The following RGS7 variants were observed in gnomAD, a reference collection of about 807,000 sequenced individuals.
RGS7 encodes regulator of G protein signaling 7.
RGS7 carries 27 observed loss-of-function variants against 81.1 expected under a neutral mutation model. The ratio of observed to expected loss-of-function variants is 0.33; its 90% CI spans 0.25 to 0.46. The LOEUF (loss-of-function observed/expected upper bound fraction) is 0.46, where lower values mean the gene tolerates loss of function less well. Among genes scored for constraint, RGS7 ranks in the 20% least tolerant of loss-of-function variants. RGS7 has a pLI of 1.00. For missense variants in RGS7, 396 were observed against 607.4 expected (o/e 0.65, Z 3.66); for synonymous variants, 208 against 207.7 (o/e 1.00, Z -0.01).
chr1:241,223,641 C>G (rs943761342), intron 2 of RGS7, among the ~76,000 whole-genome samples: 1 of 150,784 alleles, frequency 6.6e-6, no homozygotes, highest in Non-Finnish European at 1.5e-5. Flanking sequence ...AAGTTTGTCA[C>G]GTGAAAGAGG....
intron 2 of RGS7, among the ~76,000 whole-genome samples, chr1:241,120,301 C>T (rs902742562): frequency 2.6e-5 from 4 of 152,130 alleles, no homozygotes; most frequent in Non-Finnish European, 4.4e-5. Flanking sequence ...TCTCTACATA[C>T]CACTATCATC....
At chr1:240,977,081 TATCC>T (rs765234984) in intron 4 of RGS7, among the ~76,000 whole-genome samples, 86 of 141,464 alleles carry the variant, frequency 6.1e-4, no homozygotes, top group Non-Finnish European at 1.2e-3. Context: ...ATCATCTATC[TATCC>T]ATCTGTACAC....
intron 2 of RGS7, among the ~76,000 whole-genome samples, chr1:241,169,494 C>G (rs376935032): frequency 6.6e-6 from 1 of 151,980 alleles, no homozygotes; most frequent in African/African-American, 2.4e-5. Flanking sequence ...AGGCACCCAC[C>G]ACCACACCCG....
chr1:241,236,166 C>G (rs914997576), intron 2 of RGS7, among the ~76,000 whole-genome samples: 9 of 142,706 alleles, frequency 6.3e-5, no homozygotes, highest in African/African-American at 2.4e-4. Context: ...AAATGACGAC[C>G]TCCGCCCCCC....
At chr1:240,926,266 A>G (rs1674420242) in intron 6 of RGS7, among the ~76,000 whole-genome samples, 1 of 152,098 alleles carries the variant, frequency 6.6e-6, no homozygotes, top group African/African-American at 2.4e-5. Flanking sequence ...TAGGGTTTTT[A>G]TATTTTGAGG....
rs566042591 is a variant in RGS7 at position 241,026,256 on chromosome 1, T to A, written c.176-43127A>T. 5.9e-4 allele frequency among the ~76,000 whole-genome samples: 90 copies of A among 152,284 alleles called. 2 individuals are homozygous for A. The South Asian group carries it at 0.018, about 31-fold the overall frequency. On this transcript the variant is annotated intron_variant, in intron 3 of 18. Coordinates refer to ENST00000440928, the MANE Select transcript of RGS7 (RefSeq NM_001364886.1). ...TTGTTGACTGAATAAATGTAAGGTA[T>A]TTTCTACATAATGCAGACTTGTTAA... is the stretch of plus-strand genomic sequence containing the variant.
intron 3 of RGS7, among the ~76,000 whole-genome samples, chr1:240,987,988 C>A (rs1439196432): frequency 2.6e-5 from 4 of 152,060 alleles, no homozygotes. Context: ...AGAAGTTTGG[C>A]TGAGGATCTG....
intron 3 of RGS7, among the ~76,000 whole-genome samples, chr1:240,995,880 T>A (rs981409065): frequency 6.6e-6 from 1 of 152,086 alleles, no homozygotes; most frequent in African/African-American, 2.4e-5. Flanking sequence ...TCTTCTTCTA[T>A]GTTCTAGAGT....
At chr1:241,103,220 T>C (rs2064889596) in intron 2 of RGS7, among the ~76,000 whole-genome samples, 1 of 152,168 alleles carries the variant, frequency 6.6e-6, no homozygotes, top group Non-Finnish European at 1.5e-5. Context: ...TATGCATGTA[T>C]ACATGTGTAT....
intron 6 of RGS7, among the ~76,000 whole-genome samples, chr1:240,921,215 C>G (rs934347785): frequency 6.6e-6 from 1 of 151,934 alleles, no homozygotes; most frequent in Non-Finnish European, 1.5e-5. Context: ...AGTGTTGGCA[C>G]ATCTTATGCA....
rs150223541 is a variant in RGS7 at position 241,214,222 on chromosome 1, G to A, written c.79-115460C>T. On this transcript the variant is annotated intron_variant, in intron 2 of 18. Coordinates refer to ENST00000440928, the MANE Select transcript of RGS7 (RefSeq NM_001364886.1). Reference sequence around the variant, plus strand: ...AGACCTGTCAGCAACAAATTCTCTCGGTTTTTATTTATCTTAATTTTTTTT... The same window carrying A: ...AGACCTGTCAGCAACAAATTCTCTCAGTTTTTATTTATCTTAATTTTTTTT... Among the ~76,000 whole-genome samples the A allele has an allele frequency of 4.1e-4, 62 of 151,392 alleles. 1 individual carries two copies. The East Asian group carries it at 9.5e-3, about 23-fold the overall frequency.
At chr1:241,200,023 C>A (rs548562816) in intron 2 of RGS7, among the ~76,000 whole-genome samples, 2 of 152,266 alleles carry the variant, frequency 1.3e-5, no homozygotes, top group South Asian at 4.1e-4. Context: ...AATGTAATAA[C>A]CCTAACATAT....
intron 3 of RGS7, among the ~76,000 whole-genome samples, chr1:241,041,875 T>C (rs931282443): frequency 6.6e-6 from 1 of 152,166 alleles, no homozygotes; most frequent in African/African-American, 2.4e-5. Flanking sequence ...AGACTTTGAA[T>C]TTCTTGAGGA....
chr1:241,166,179 T>C (rs1476522672), intron 2 of RGS7, among the ~76,000 whole-genome samples: 1 of 152,140 alleles, frequency 6.6e-6, no homozygotes, highest in Non-Finnish European at 1.5e-5. Context: ...TAGATGACAG[T>C]TGAACCTGAA....
chr1:241,227,570 C>CAAAAAAAAAAAAAAA (rs5782179), intron 2 of RGS7, among the ~76,000 whole-genome samples: 15 of 103,686 alleles, frequency 1.4e-4, no homozygotes, highest in South Asian at 3.4e-4. Context: ...CTGTCTCTAC[C>CAAAAAAAAAAAAAAA]AAAAAAAAAA....
intron 2 of RGS7, among the ~76,000 whole-genome samples, chr1:241,325,579 C>G (rs2081444236): frequency 6.6e-6 from 1 of 152,160 alleles, no homozygotes; most frequent in South Asian, 2.1e-4. Context: ...CTGACTTTCA[C>G]TAGGAAAGGA....
chr1:241,264,551 T>C (rs1299057124), intron 2 of RGS7, among the ~76,000 whole-genome samples: 1 of 152,070 alleles, frequency 6.6e-6, no homozygotes, highest in Non-Finnish European at 1.5e-5. Flanking sequence ...CTGAACGTCA[T>C]GTTTTCAAGA....
intron 2 of RGS7, among the ~76,000 whole-genome samples, chr1:241,152,612 A>G (rs2068836330): frequency 6.6e-6 from 1 of 152,110 alleles, no homozygotes; most frequent in African/African-American, 2.4e-5. Context: ...CTGGCTCTCT[A>G]TGATGTGGAG....
chr1:241,003,968 G>C (rs1302836330), intron 3 of RGS7, among the ~76,000 whole-genome samples: 4 of 151,984 alleles, frequency 2.6e-5, no homozygotes, highest in African/African-American at 9.7e-5. Flanking sequence ...GGCTGGTCTC[G>C]GCCTCCCAAA....
Sources: gnomAD v4.1 joint callset for allele counts (sites outside exome capture counted in the v4.1 genomes callset) on GRCh38, gnomAD v4.1.1 for gene constraint, MANE v1.5 for transcripts, NCBI Gene and HGNC (gene_info 2026-07-23, HGNC 2026-07-21) for gene names.